The following DLGAP1 variants were observed in gnomAD, a reference collection of about 807,000 sequenced individuals.
DLGAP1 encodes the protein DLG associated protein 1.
A neutral mutation model predicts 90.8 loss-of-function variants in DLGAP1; 11 were observed. The ratio of observed to expected loss-of-function variants is 0.12; its 90% CI spans 0.08 to 0.20. The LOEUF (loss-of-function observed/expected upper bound fraction) is 0.20, where lower values mean the gene tolerates loss of function less well. Ranked by LOEUF, DLGAP1 falls within the 10% of genes least tolerant of loss-of-function variation. DLGAP1 has a pLI of 1.00. For missense variants in DLGAP1, 1,050 were observed against 1,333.8 expected, an observed-to-expected ratio of 0.79 and a Z score of 3.31; for synonymous variants, 558 against 540.7, an observed-to-expected ratio of 1.03 and a Z score of -0.44.
chr18:4,074,781 T>C (rs2075499415), intron 2 of DLGAP1, among the ~76,000 whole-genome samples: 1 of 152,158 alleles, frequency 6.6e-6, no homozygotes, highest in African/African-American at 2.4e-5. Context: ...AGACCGATTG[T>C]AATCTCAAAC....
intron 2 of DLGAP1, among the ~76,000 whole-genome samples, chr18:4,049,297 G>T (rs1347633110): frequency 6.6e-6 from 1 of 151,894 alleles, no homozygotes; most frequent in Admixed American, 6.6e-5. Flanking sequence ...GCCATAGCCT[G>T]GGTTATATTT....
chr18:4,425,821 C>T (rs966150011), intron 1 of DLGAP1, among the ~76,000 whole-genome samples: 10 of 152,054 alleles, frequency 6.6e-5, no homozygotes, highest in African/African-American at 1.2e-4. Context: ...CCAATATGAC[C>T]ATATCTTAGT....
intron 1 of DLGAP1, among the ~76,000 whole-genome samples, chr18:4,169,392 C>T (rs1400797068): frequency 6.6e-6 from 1 of 152,118 alleles, no homozygotes; most frequent in Non-Finnish European, 1.5e-5. Flanking sequence ...ACTTGTACTA[C>T]CCTTTATGAT....
intron 4 of DLGAP1, among the ~76,000 whole-genome samples, chr18:3,834,841 G>A (rs1014979623): frequency 9.2e-5 from 14 of 152,104 alleles, no homozygotes; most frequent in South Asian, 4.2e-4. Context: ...CCAAATGTAC[G>A]ACCACTGGAG....
chr18:3,969,439 C>T (rs919539760), intron 3 of DLGAP1, among the ~76,000 whole-genome samples: 22 of 152,056 alleles, frequency 1.4e-4, no homozygotes, highest in African/African-American at 5.3e-4. Context: ...TGTATTACAC[C>T]GCTGACCCAT....
intron 3 of DLGAP1, among the ~76,000 whole-genome samples, chr18:3,931,041 G>A (rs1003646064): frequency 2.6e-5 from 4 of 152,198 alleles, no homozygotes; most frequent in East Asian, 1.9e-4. Flanking sequence ...GTAAGCTCCC[G>A]GCATGGCTTC....
At chr18:3,623,760 G>A (rs1567853265) in intron 7 of DLGAP1, among the ~76,000 whole-genome samples, 2 of 120,202 alleles carry the variant, frequency 1.7e-5, no homozygotes, top group African/African-American at 6.5e-5. Flanking sequence ...CTGAGAGACA[G>A]AGCAAGACTC....
At chr18:4,138,730 A>G (rs2076447380) in intron 2 of DLGAP1, among the ~76,000 whole-genome samples, 1 of 151,902 alleles carries the variant, frequency 6.6e-6, no homozygotes, top group Non-Finnish European at 1.5e-5. Flanking sequence ...TCTTCTTTGT[A>G]TGTTTGTTAA....
chr18:4,224,538 A>C (rs2078144913), intron 1 of DLGAP1, among the ~76,000 whole-genome samples: 1 of 152,132 alleles, frequency 6.6e-6, no homozygotes, highest in African/African-American at 2.4e-5. Context: ...TTGGGCCTTG[A>C]GTGAACACTG....
At chr18:3,676,081 A>G (rs1339339016) in intron 7 of DLGAP1, among the ~76,000 whole-genome samples, 1 of 152,238 alleles carries the variant, frequency 6.6e-6, no homozygotes, top group East Asian at 1.9e-4. Flanking sequence ...AACAAACAGC[A>G]GCCTGTAAGA....
At chr18:3,572,980 G>A (rs1161141020) in intron 8 of DLGAP1, among the ~76,000 whole-genome samples, 1 of 152,016 alleles carries the variant, frequency 6.6e-6, no homozygotes, top group Non-Finnish European at 1.5e-5. Context: ...TAAGATGTGA[G>A]GGAGGCACAT....
chr18:3,600,751 T>G (rs374167510), intron 7 of DLGAP1, among the ~76,000 whole-genome samples: 7,037 of 52,252 alleles, frequency 0.13, 1,834 homozygotes, highest in Non-Finnish European at 0.2. Flanking sequence ...TATATAGATA[T>G]ATATAGATAT....
chr18:4,197,264 C>A (rs1034307146), intron 1 of DLGAP1, among the ~76,000 whole-genome samples: 63 of 143,880 alleles, frequency 4.4e-4, no homozygotes, highest in African/African-American at 1.4e-3. Flanking sequence ...CAAATGAGAA[C>A]TATTCAAATA....
rs1293928778 is a variant in DLGAP1, at chr18:3,526,905, G to A, written c.2479+7289C>T. ...CGTATCATTTTACTTCAAGTGCTGC[G>A]GGAACAAGCATTCTGTCAGCTGTCT... On this transcript the variant is annotated intron_variant, in intron 10 of 12. Coordinates refer to ENST00000315677, the MANE Select transcript of DLGAP1 (RefSeq NM_004746.4). This position sits in a 1 kb window ranked among gnomAD's most constrained non-coding sequence, Gnocchi z 4.7. Among the ~76,000 whole-genome samples, 1 of 152,094 alleles carries A rather than the reference G, an allele frequency of 6.6e-6. No individual in the cohort carries two copies. The highest frequency in any genetic ancestry group is 2.4e-5 in the African/African-American group (1 of 41,418).
chr18:4,411,605 G>A (rs2082778839), intron 1 of DLGAP1, among the ~76,000 whole-genome samples: 1 of 152,116 alleles, frequency 6.6e-6, no homozygotes, highest in Non-Finnish European at 1.5e-5. Flanking sequence ...TCATAATCTG[G>A]AGGTTGATGG....
chr18:4,212,140 C>A (rs1287625915), intron 1 of DLGAP1, among the ~76,000 whole-genome samples: 1 of 152,118 alleles, frequency 6.6e-6, no homozygotes, highest in Admixed American at 6.6e-5. Flanking sequence ...TTACTTAACT[C>A]TGTGACAGGA....
intron 1 of DLGAP1, among the ~76,000 whole-genome samples, chr18:4,234,168 A>G (rs2078358389): frequency 6.6e-6 from 1 of 151,494 alleles, no homozygotes; most frequent in Non-Finnish European, 1.5e-5. Context: ...ATGGTCCCTA[A>G]TGATTACTAA....
rs149523529 is a variant in DLGAP1, at chr18:3,588,459, CA to C, written c.1592-6212del. Among the ~76,000 whole-genome samples the C allele has an allele frequency of 7.4e-3, 932 of 125,392 alleles. 4 individuals are homozygous for C. Among genetic ancestry groups the C allele is most frequent in the Non-Finnish European group, 0.011 (665 of 58,610 alleles). 82.3% of individuals were successfully genotyped at this position (125,392 alleles called of 152,430 possible). A position where few individuals can be genotyped will look rare whatever the true frequency, so the allele number is the denominator to read the frequency against. Reference sequence around the variant, plus strand: ...GGGCAATAAGAATGAAACTCCGTCTCAAAAAAAAAAAAAGTTATATTTTTAA... The same window carrying C: ...GGGCAATAAGAATGAAACTCCGTCTCAAAAAAAAAAAAGTTATATTTTTAA... On this transcript the variant is annotated intron_variant, in intron 7 of 12. Coordinates refer to ENST00000315677, the MANE Select transcript of DLGAP1 (RefSeq NM_004746.4).
chr18:4,207,429 ACAATT>A (rs1170082152), intron 1 of DLGAP1, among the ~76,000 whole-genome samples: 1 of 152,218 alleles, frequency 6.6e-6, no homozygotes, highest in Non-Finnish European at 1.5e-5. Flanking sequence ...TACCGGAACT[ACAATT>A]CAAGATGCGA....
Sources: gnomAD v4.1 joint callset for allele counts (sites outside exome capture counted in the v4.1 genomes callset) on GRCh38, gnomAD v4.1.1 for gene constraint, Gnocchi (gnomAD v3.1) non-coding constraint, MANE v1.5 for transcripts, NCBI Gene and HGNC (gene_info 2026-07-23, HGNC 2026-07-21) for gene names.